Variants in TRIM49C observed in about 807,000 individuals in gnomAD.
TRIM49C encodes the protein tripartite motif containing 49C.
Under a neutral mutation model 21.4 loss-of-function variants are expected in TRIM49C, and 6 were observed. The ratio of observed to expected loss-of-function variants is 0.28; its 90% CI spans 0.15 to 0.55. The LOEUF is 0.55. TRIM49C is among the 20% of genes least tolerant of loss of function. TRIM49C has a pLI of 0.94. For synonymous variants in TRIM49C, 57 were observed against 148.1 expected (o/e 0.38, Z 4.47); for missense variants, 161 against 442.4 (o/e 0.36, Z 5.71).
intron 6 of TRIM49C, 29 bp from the exon 7 acceptor site, chr11:90,039,836 A>C (rs770137446): frequency 1.2e-6 from 1 of 853,786 alleles, no homozygotes; most frequent in African/African-American, 1.8e-5. Flanking sequence ...ATGGCTGTAG[A>C]TGTTGTAACT....
chr11:90,062,791 G>A, the TRIM49C span: 2 of 1,420,046 alleles, frequency 1.4e-6, no homozygotes, highest in Non-Finnish European at 1.9e-6. Flanking sequence ...AGCTTTTTGA[G>A]TACCACATTG....
the TRIM49C span, chr11:90,052,198 G>A: frequency 4.5e-5 from 15 of 332,250 alleles, 2 homozygotes; most frequent in Non-Finnish European, 6.5e-5. Context: ...ACGGGAGCCC[G>A]CCGCCTCTAG....
At chr11:90,067,339 ACTT>A in the TRIM49C span, among the ~76,000 whole-genome samples, 3 of 140,698 alleles carry the variant, frequency 2.1e-5, no homozygotes, top group Non-Finnish European at 4.6e-5. Flanking sequence ...ATGGAAGCAA[ACTT>A]CTTATTAGGA....
At chr11:90,041,010 A>G in intron 7 of TRIM49C, 41 bp from the exon 8 acceptor site, 19 of 1,472,862 alleles carry the variant, frequency 1.3e-5, no homozygotes, top group Non-Finnish European at 1.7e-5. Flanking sequence ...TCTTATTTAC[A>G]CATGTCTATG....
At chr11:90,052,153 G>C in the TRIM49C span, 487 of 391,752 alleles carry the variant, frequency 1.2e-3, 22 homozygotes, top group African/African-American at 9.8e-3. Flanking sequence ...CCCCGGCAGC[G>C]GGGCAGGTGG....
At chr11:90,070,768 C>A in the TRIM49C span, among the ~76,000 whole-genome samples, 1 of 141,680 alleles carries the variant, frequency 7.1e-6, no homozygotes, top group Admixed American at 8.0e-5. Context: ...AGCAGATGGG[C>A]AGAATAACAA....
chr11:90,068,502 T>C, the TRIM49C span, among the ~76,000 whole-genome samples: 7 of 144,986 alleles, frequency 4.8e-5, no homozygotes, highest in Non-Finnish European at 7.5e-5. Flanking sequence ...TGATAAGTCA[T>C]TCTGATTCTT....
intron 2 of TRIM49C, among the ~76,000 whole-genome samples, chr11:90,034,781 T>C (rs537904628): frequency 7.4e-6 from 1 of 134,372 alleles, no homozygotes; most frequent in Non-Finnish European, 1.6e-5. Flanking sequence ...CATCTTCTCA[T>C]ATTTCTTTGG....
the TRIM49C span, among the ~76,000 whole-genome samples, chr11:90,068,506 G>C: frequency 1.4e-5 from 2 of 145,020 alleles, no homozygotes; most frequent in African/African-American, 5.0e-5. Context: ...AAGTCATTCT[G>C]ATTCTTTAAA....
chr11:90,071,476 T>C, the TRIM49C span, among the ~76,000 whole-genome samples: 3 of 143,572 alleles, frequency 2.1e-5, no homozygotes, highest in South Asian at 2.3e-4. Context: ...AGATCAACTA[T>C]TTGGTGGCAG....
intron 6 of TRIM49C, among the ~76,000 whole-genome samples, 200 bp downstream of exon 6, chr11:90,038,915 G>A (rs1950746545): frequency 7.3e-6 from 1 of 136,630 alleles, no homozygotes; most frequent in African/African-American, 2.6e-5. Flanking sequence ...CAAACAATTT[G>A]ATTCCTGGTT....
chr11:90,062,949 T>G, the TRIM49C span: 5 of 1,410,604 alleles, frequency 3.5e-6, 1 homozygote, highest in Non-Finnish European at 4.7e-6. Context: ...TTCACGCAAA[T>G]GCAGCAAATG....
chr11:90,046,784 C>T (rs1242292185), downstream of TRIM49C, among the ~76,000 whole-genome samples: 5 of 123,982 alleles, frequency 4.0e-5, no homozygotes, highest in East Asian at 5.1e-4. Context: ...CTGCTCTGAT[C>T]GTAGTTATTT....
chr11:90,064,268 A>G, the TRIM49C span, among the ~76,000 whole-genome samples: 2 of 151,260 alleles, frequency 1.3e-5, no homozygotes, highest in East Asian at 1.9e-4. Context: ...TTAATTTAGG[A>G]AAGTTTTTTC....
At chr11:90,060,041 C>G in the TRIM49C span, among the ~76,000 whole-genome samples, 1 of 140,034 alleles carries the variant, frequency 7.1e-6, no homozygotes, top group Non-Finnish European at 1.5e-5. Flanking sequence ...TTCCGAATGG[C>G]AAATTGTTTC....
At chr11:90,063,135 C>A in the TRIM49C span, 1 of 563,480 alleles carries the variant, frequency 1.8e-6, no homozygotes, top group Non-Finnish European at 3.0e-6. Flanking sequence ...TAAGTTAGCT[C>A]CAGTACAAAC....
At chr11:90,037,337 G>A (rs560791256) in intron 4 of TRIM49C, among the ~76,000 whole-genome samples, 2 of 132,912 alleles carry the variant, frequency 1.5e-5, no homozygotes, top group Non-Finnish European at 3.2e-5. Context: ...AGCTGGACAT[G>A]CTAGTCTAAG....
chr11:90,071,183 A>G, the TRIM49C span: 1 of 493,210 alleles, frequency 2.0e-6, no homozygotes, highest in South Asian at 1.5e-5. Flanking sequence ...GTTAATGGCC[A>G]TCAGTGCAAG....
rs556812710 is a variant in TRIM49C at position 90,041,236 on chromosome 11, G to C, written c.1045G>C (p.Asp349His). The stretch of plus-strand genomic sequence containing the variant: ...ATATTACTGGGAGGTCCATGTAGGG[G>C]ACTCCTGGAATTGGGCTTTTGGTGT... ...GKYYWEVHVG[D>H]SWNWAFGVCN... Residue 349 changes from aspartate (D) to histidine (H), a missense_variant, in exon 8 of 8, where the codon GAC becomes CAC. Transcript: ENST00000448984. 3.8e-6 allele frequency: 6 copies of C among 1,586,384 alleles called. 1 individual carries two copies. Among genetic ancestry groups the C allele is most frequent in the Middle Eastern group, 3.4e-4 (2 of 5,950 alleles).
Sources: allele counts gnomAD v4.1 joint callset (sites outside exome capture counted in the v4.1 genomes callset), GRCh38; gene constraint gnomAD v4.1.1; transcripts MANE v1.5; gene names NCBI Gene and HGNC (gene_info 2026-07-23, HGNC 2026-07-21).